Variants in PLA2G4E observed in about 807,000 individuals in gnomAD.
PLA2G4E encodes phospholipase A2 group IVE, also known as cytosolic phospholipase A2 epsilon.
PLA2G4E carries 84 observed loss-of-function variants against 109.1 expected under a neutral mutation model. The observed-to-expected ratio is 0.77, with a 90% CI of 0.65 to 0.92. The LOEUF (loss-of-function observed/expected upper bound fraction) is 0.92, where lower values mean the gene tolerates loss of function less well. Among genes scored for constraint, PLA2G4E ranks in the 40% least tolerant of loss-of-function variants. The pLI, the probability that PLA2G4E is intolerant of heterozygous loss-of-function variation, is 0.00. For synonymous variants in PLA2G4E, 469 were observed against 436.1 expected, an observed-to-expected ratio of 1.08 and a Z score of -0.94; for missense variants, 1,057 against 1,076.6, an observed-to-expected ratio of 0.98 and a Z score of 0.25.
chr15:42,031,888 T>C (rs1889120737), intron 1 of PLA2G4E, among the ~76,000 whole-genome samples: 1 of 152,196 alleles, frequency 6.6e-6, no homozygotes, highest in Admixed American at 6.5e-5. Flanking sequence ...GTTTGTCTCC[T>C]CCAAATCTCA....
At chr15:41,994,488 G>T (rs1339303785) in intron 12 of PLA2G4E, among the ~76,000 whole-genome samples, 1 of 152,166 alleles carries the variant, frequency 6.6e-6, no homozygotes, top group South Asian at 2.1e-4. Context: ...CCAGGGCCAC[G>T]CAGGGTTTTG....
chr15:41,985,821 G>C lies in PLA2G4E; in HGVS notation c.2202+18C>G, dbSNP rs776602988. 59 of 1,602,638 alleles carry C rather than the reference G, an allele frequency of 3.7e-5. No individual in the cohort carries two copies. The highest frequency in any genetic ancestry group is 4.8e-5 in the Non-Finnish European group (56 of 1,174,882). ...GAGAGGCTGCAGCCCATGCTCAGGA[G>C]GGAGGCTGCGCACTTGCCTTTGTCT... On this transcript the variant is annotated intron_variant, in intron 18 of 19. Coordinates refer to ENST00000399518, the Ensembl canonical transcript of PLA2G4E.
At chr15:42,002,090 G>C (rs7182354) in intron 6 of PLA2G4E, among the ~76,000 whole-genome samples, 5,710 of 151,942 alleles carry the variant, frequency 0.038, 377 homozygotes, top group African/African-American at 0.13. Context: ...CTGGCAGATC[G>C]CTTGAGCTCA....
At chr15:41,998,655 A>C (rs527677707) in intron 10 of PLA2G4E, 3 of 152,376 alleles carry the variant, frequency 2.0e-5, no homozygotes, top group African/African-American at 7.2e-5. Context: ...AACGAGGTTG[A>C]GCCCCTCTTT....
chr15:41,989,680 C>T (rs2068210825), intron 14 of PLA2G4E, 128 bp from the exon 15 acceptor site: 3 of 1,287,628 alleles, frequency 2.3e-6, no homozygotes, highest in Non-Finnish European at 3.1e-6. Context: ...GCCGCAGTTC[C>T]CCCAAAGGAC....
intron 1 of PLA2G4E, among the ~76,000 whole-genome samples, chr15:42,035,557 G>A (rs561419917): frequency 6.6e-6 from 1 of 152,320 alleles, no homozygotes; most frequent in East Asian, 1.9e-4. Flanking sequence ...AGGCCCAGGG[G>A]ATGTTGCAAA....
chr15:42,015,799 G>A (rs1342954639), intron 1 of PLA2G4E, among the ~76,000 whole-genome samples: 1 of 152,166 alleles, frequency 6.6e-6, no homozygotes, highest in Non-Finnish European at 1.5e-5. Context: ...GTCCCTAGGG[G>A]CCCAAGGCTG....
chr15:42,040,169 A>C (rs56262730), intron 1 of PLA2G4E, among the ~76,000 whole-genome samples: 7,512 of 151,918 alleles, frequency 0.049, 517 homozygotes, highest in African/African-American at 0.15. Context: ...GACCCCCTCC[A>C]TCATTCTACA....
At chr15:42,006,569 G>A (rs780592598) in intron 3 of PLA2G4E, among the ~76,000 whole-genome samples, 4 of 152,216 alleles carry the variant, frequency 2.6e-5, no homozygotes, top group Non-Finnish European at 4.4e-5. Flanking sequence ...TAACACTCCA[G>A]GGAGTGATGT....
At chr15:42,045,303 T>C (rs1470883597) in intron 1 of PLA2G4E, among the ~76,000 whole-genome samples, 3 of 150,956 alleles carry the variant, frequency 2.0e-5, no homozygotes, top group African/African-American at 7.3e-5. Flanking sequence ...CAAGCCCTGC[T>C]GAGAGGGAAG....
At chr15:42,027,872 A>ACCCTCCATAATGTATGGGGCCTGGGCCT (rs1386275213) in intron 1 of PLA2G4E, among the ~76,000 whole-genome samples, 2 of 152,154 alleles carry the variant, frequency 1.3e-5, no homozygotes, top group Non-Finnish European at 2.9e-5. Context: ...CTCCTGGGCC[A>ACCCTCCATAATGTATGGGGCCTGGGCCT]CCCTCCACCT....
At chr15:42,030,679 C>T (rs1889097598) in intron 1 of PLA2G4E, among the ~76,000 whole-genome samples, 2 of 152,228 alleles carry the variant, frequency 1.3e-5, no homozygotes, top group Non-Finnish European at 1.5e-5. Context: ...CCTGCTCCAT[C>T]TGTGTTGAGG....
intron 5 of PLA2G4E, among the ~76,000 whole-genome samples, chr15:42,004,511 G>A (rs2068454600): frequency 6.6e-6 from 1 of 152,142 alleles, no homozygotes; most frequent in African/African-American, 2.4e-5. Context: ...TGCAGAGTTG[G>A]CTGCTTGCGG....
intron 10 of PLA2G4E, chr15:41,997,731 A>G (rs1156377538): frequency 6.6e-6 from 1 of 152,480 alleles, no homozygotes; most frequent in African/African-American, 2.4e-5. Flanking sequence ...CCCTGTTCCT[A>G]TGGAGCTCAC....
At chr15:42,001,093 C>T (rs1044633702) in intron 7 of PLA2G4E, 64 bp downstream of exon 7, 1 of 1,505,304 alleles carries the variant, frequency 6.6e-7, no homozygotes, top group Non-Finnish European at 9.2e-7. Context: ...GAGTCTGATG[C>T]TGATGGGATT....
At chr15:42,007,802 G>A (rs1318565545) in exon 3 of PLA2G4E, 1 of 1,611,584 alleles carries the variant, frequency 6.2e-7, no homozygotes, top group African/African-American at 1.3e-5. Flanking sequence ...GATGGTCCTT[G>A]TCCTCAGCTT....
chr15:42,030,540 G>A (rs959587710), intron 1 of PLA2G4E, among the ~76,000 whole-genome samples: 15 of 152,350 alleles, frequency 9.8e-5, no homozygotes, highest in East Asian at 3.9e-4. Context: ...AAATCTGCAC[G>A]TTTGTGGAGG....
exon 20 of PLA2G4E, chr15:41,983,601 A>T: frequency 3.0e-6 from 2 of 669,314 alleles, no homozygotes; most frequent in Non-Finnish European, 5.0e-6. Flanking sequence ...CAACTTTTTA[A>T]AATTTTTTAC....
At position 42,014,764 on chromosome 15, in the gene PLA2G4E, C is replaced by G. The variant is rs995089779; in HGVS notation, c.184-1007G>C. On this transcript the variant is annotated intron_variant, in intron 1 of 19. Transcript: ENST00000399518. The stretch of plus-strand genomic sequence containing the variant: ...GGAAACAGTCTGCCTCTCTCCACTC[C>G]ACTGTTTCTCGCAAGAGGTCCTTGT... Among the ~76,000 whole-genome samples the G allele has an allele frequency of 4.6e-5, 7 of 152,318 alleles. No homozygotes were observed. The East Asian group carries it at 1.4e-3, about 29-fold the overall frequency.
Sources: gnomAD v4.1 joint callset for allele counts (sites outside exome capture counted in the v4.1 genomes callset) on GRCh38, gnomAD v4.1.1 for gene constraint, MANE v1.5 for transcripts, NCBI Gene and HGNC (gene_info 2026-07-23, HGNC 2026-07-21) for gene names.